ITGB3: variants seen among roughly 807,000 people sequenced by gnomAD.
The protein encoded by ITGB3 is integrin beta-3.
Under a neutral mutation model 85.8 loss-of-function variants are expected in ITGB3, and 48 were observed. The ratio of observed to expected loss-of-function variants is 0.56; its 90% CI spans 0.44 to 0.71. ITGB3 has a LOEUF of 0.71. Among genes scored for constraint, ITGB3 ranks in the 30% least tolerant of loss-of-function variants. ITGB3 has a pLI of 0.00. For missense variants in ITGB3, 861 were observed against 1,019.1 expected, an observed-to-expected ratio of 0.84 and a Z score of 2.11; for synonymous variants, 363 against 395.6, an observed-to-expected ratio of 0.92 and a Z score of 0.98.
chr17:47,295,878 G>T (rs548813982), intron 10 of ITGB3, among the ~76,000 whole-genome samples: 1 of 152,198 alleles, frequency 6.6e-6, no homozygotes, highest in Non-Finnish European at 1.5e-5. Context: ...AACTGCCCTC[G>T]GCTGACAGGA....
chr17:47,313,464 A>C lies in ITGB3; in HGVS notation c.*3260A>C, dbSNP rs1190115032. 1.4e-5 allele frequency among the ~76,000 whole-genome samples: 2 copies of C among 147,662 alleles called. No individual in the cohort carries two copies. Among genetic ancestry groups the C allele is most frequent in the Admixed American group, 1.4e-4 (2 of 14,620 alleles). ...CGGGTTCACGCCATTCTCCTGCCTC[A>C]GCCTCCCGAGTAGCTGGGATTACAG... On this transcript the variant is annotated 3_prime_UTR_variant, in exon 15 of 15. Coordinates refer to ENST00000559488, the MANE Select transcript of ITGB3 (RefSeq NM_000212.3).
chr17:47,266,877 C>A (rs1023152669), intron 1 of ITGB3, among the ~76,000 whole-genome samples: 17 of 152,064 alleles, frequency 1.1e-4, no homozygotes, highest in Admixed American at 6.6e-5. Context: ...CCTGGATTTT[C>A]GAAGACTAAT....
intron 5 of ITGB3, 63 bp downstream of exon 5, chr17:47,286,485 G>A: frequency 6.3e-7 from 1 of 1,591,904 alleles, no homozygotes. Flanking sequence ...GAAAGGAAGT[G>A]ACTGAACTCT....
intron 10 of ITGB3, among the ~76,000 whole-genome samples, chr17:47,293,163 T>C (rs1157272957): frequency 1.3e-5 from 2 of 152,222 alleles, no homozygotes; most frequent in Non-Finnish European, 2.9e-5. Flanking sequence ...TGATAGAAAG[T>C]TCTCTTGGAT....
In ITGB3 at chr17:47,292,506, C is replaced by T. The variant is rs770430144; in HGVS notation, c.1628C>T (p.Thr543Met). ...VCHSSDFGKI[T>M]GKYCECDDFS... The stretch of plus-strand genomic sequence containing the variant: ...CACAGCAGTGACTTTGGCAAGATCA[C>T]GGGCAAGTACTGCGAGTGTGACGAC... The change falls in exon 10 of 15, where the codon ACG (threonine) becomes ATG (methionine). Residue 543 changes from threonine to methionine, a missense_variant. Coordinates refer to ENST00000559488, the MANE Select transcript of ITGB3 (RefSeq NM_000212.3). 4.4e-6 allele frequency: 7 copies of T among 1,607,662 alleles called. No individual in the cohort carries two copies. Among genetic ancestry groups the T allele is most frequent in the South Asian group, 3.3e-5 (3 of 90,982 alleles).
Position 47,283,521 on chromosome 17 carries a change from C to G in ITGB3, c.333C>G (p.Pro111=). The G allele has an allele frequency of 6.2e-7, 1 of 1,614,192 alleles. No homozygotes were observed. Among genetic ancestry groups the G allele is most frequent in the Non-Finnish European group, 8.5e-7 (1 of 1,180,048 alleles). Residue 111 remains proline (P), a synonymous_variant, in exon 3 of 15, where the codon CCC becomes CCG. Coordinates refer to ENST00000559488, the MANE Select transcript of ITGB3 (RefSeq NM_000212.3). ...GCTCCCAGGTCACTCAAGTCAGTCC[C>G]CAGAGGATTGCACTCCGGCTCCGGC... ...GDSSQVTQVS[P]QRIALRLRPD...
intron 2 of ITGB3, 86 bp downstream of exon 2, chr17:47,274,590 C>G (rs1349923443): frequency 3.6e-6 from 4 of 1,108,324 alleles, no homozygotes; most frequent in East Asian, 2.4e-5. Flanking sequence ...TCACCTCCCT[C>G]TTGAATACAC....
At chr17:47,264,601 AC>A (rs1246415055) in intron 1 of ITGB3, among the ~76,000 whole-genome samples, 3 of 151,954 alleles carry the variant, frequency 2.0e-5, no homozygotes, top group African/African-American at 7.3e-5. Flanking sequence ...CACACTCTCT[AC>A]CATGGCCTAT....
intron 8 of ITGB3, 136 bp from the exon 9 acceptor site, chr17:47,290,818 C>T (rs1283310231): frequency 9.9e-7 from 1 of 1,005,676 alleles, no homozygotes; most frequent in Non-Finnish European, 1.6e-6. Flanking sequence ...GCTTCCAGGT[C>T]AAACCTTGGC....
intron 1 of ITGB3, among the ~76,000 whole-genome samples, chr17:47,258,866 G>A (rs951712404): frequency 6.6e-6 from 1 of 152,206 alleles, no homozygotes; most frequent in Non-Finnish European, 1.5e-5. Flanking sequence ...AGCATGCAGT[G>A]TATAGACTTT....
At chr17:47,257,173 A>G (rs2064993428) in intron 1 of ITGB3, among the ~76,000 whole-genome samples, 1 of 152,234 alleles carries the variant, frequency 6.6e-6, no homozygotes. Flanking sequence ...TCTGCCATGT[A>G]TTGGAGGCAA....
rs1044176236 is a variant in ITGB3, at chr17:47,278,215, T to TA, written c.165+3718dup. ...GAGATGTTTTGGTGGTGCTCTGGGGTAAAAAAAGTACTGGGGCATATTGAC... is the reference window on the plus strand; with the variant it reads ...GAGATGTTTTGGTGGTGCTCTGGGGTAAAAAAAAGTACTGGGGCATATTGAC... On this transcript the variant is annotated intron_variant, in intron 2 of 14. Coordinates refer to ENST00000559488, the MANE Select transcript of ITGB3 (RefSeq NM_000212.3). Among the ~76,000 whole-genome samples the TA allele has an allele frequency of 5.3e-5, 8 of 151,940 alleles. No individual in the cohort carries two copies. The South Asian group carries it at 6.2e-4, about 12-fold the overall frequency.
intron 13 of ITGB3, 31 bp from the exon 14 acceptor site, chr17:47,307,440 A>T (rs1410573549): frequency 6.2e-7 from 1 of 1,613,168 alleles, no homozygotes; most frequent in Non-Finnish European, 8.5e-7. Flanking sequence ...CTTCATTCAC[A>T]ACCGCCCTGC....
In ITGB3 at chr17:47,274,469, G is replaced by T; in HGVS notation, c.130G>T (p.Ala44Ser). 1 of 1,613,872 alleles carries T rather than the reference G, an allele frequency of 6.2e-7. No homozygotes were observed. The highest frequency in any genetic ancestry group is 1.1e-5 in the South Asian group (1 of 91,084). The change falls in exon 2 of 15, where the codon GCT (alanine) becomes TCT (serine). Residue 44 changes from alanine (A) to serine (S), a missense_variant. Physicochemically the swap from Ala to Ser is moderately conservative, Grantham distance 99 (BLOSUM62 1). Transcript: ENST00000559488. ...TGTGAGCTCCTGCCAGCAGTGCCTGGCTGTGAGCCCCATGTGTGCCTGGTG... is the reference window on the plus strand; with the variant it reads ...TGTGAGCTCCTGCCAGCAGTGCCTGTCTGTGAGCCCCATGTGTGCCTGGTG... ...RGVSSCQQCLAVSPMCAWCSD... is the reference protein window; with the variant it reads ...RGVSSCQQCLSVSPMCAWCSD...
rs772198289 is a variant in ITGB3, at chr17:47,291,070, A to C, written c.1242A>C (p.Gly414=). Residue 414 remains glycine, a synonymous_variant, in exon 9 of 15, where the codon GGA becomes GGC. Transcript: ENST00000559488. ...TCCCTGGCCTCAAGTCTTGTATGGG[A>C]CTCAAGATTGGAGACACGGTGAGGT... ...EVIPGLKSCM[G]LKIGDTVSFS... The C allele has an allele frequency of 6.2e-7, 1 of 1,614,042 alleles. No individual in the cohort carries two copies.
intron 10 of ITGB3, 35 bp downstream of exon 10, chr17:47,292,603 C>G (rs769430728): frequency 6.3e-7 from 1 of 1,596,024 alleles, no homozygotes. Flanking sequence ...GTCCTGGAAC[C>G]CACACCCCCT....
intron 1 of ITGB3, among the ~76,000 whole-genome samples, chr17:47,257,575 C>T (rs1257189512): frequency 6.6e-6 from 1 of 152,144 alleles, no homozygotes; most frequent in African/African-American, 2.4e-5. Context: ...GATGTGCCTC[C>T]CTTTAAGAAA....
intron 9 of ITGB3, 137 bp from the exon 10 acceptor site, chr17:47,292,002 A>G (rs1452057346): frequency 1.2e-6 from 1 of 820,248 alleles, no homozygotes; most frequent in African/African-American, 1.7e-5. Flanking sequence ...AAGGCTGAGG[A>G]ACTCCAGATT....
At chr17:47,260,654 G>A (rs987051049) in intron 1 of ITGB3, among the ~76,000 whole-genome samples, 3 of 152,156 alleles carry the variant, frequency 2.0e-5, no homozygotes, top group East Asian at 3.9e-4. Flanking sequence ...TGCTGGAGCC[G>A]CCTGCAAGGA....
Sources: allele counts gnomAD v4.1 joint callset (sites outside exome capture counted in the v4.1 genomes callset), GRCh38; gene constraint gnomAD v4.1.1; transcripts MANE v1.5; gene names NCBI Gene and HGNC (gene_info 2026-07-23, HGNC 2026-07-21).